The following TBCE variants were observed in gnomAD, a reference collection of about 807,000 sequenced individuals.
TBCE encodes the protein tubulin folding cofactor E, also known as tubulin-specific chaperone E.
In TBCE, 53 loss-of-function variants were observed where a neutral mutation model predicts 77.0. The observed-to-expected ratio is 0.69, with a 90% CI of 0.55 to 0.87. TBCE has a LOEUF of 0.87. TBCE is among the 40% of genes least tolerant of loss of function. The pLI, the probability that TBCE is intolerant of heterozygous loss-of-function variation, is 0.00. For synonymous variants in TBCE, 235 were observed against 241.3 expected, an observed-to-expected ratio of 0.97 and a Z score of 0.24; for missense variants, 624 against 622.4, an observed-to-expected ratio of 1.00 and a Z score of -0.03.
chr1:235,413,563 T>C (rs796713120), intron 3 of TBCE, among the ~76,000 whole-genome samples: 12 of 151,006 alleles, frequency 7.9e-5, no homozygotes, highest in African/African-American at 2.9e-4. Context: ...ATTGGGAGGC[T>C]GAGGCAGGAG....
rs1284517409 is a variant in TBCE, at chr1:235,451,369, G to A, written c.*2607G>A. 2 of 149,172 alleles carry A rather than the reference G, an allele frequency of 1.3e-5. No individual in the cohort carries two copies. Among genetic ancestry groups the A allele is most frequent in the African/African-American group, 2.5e-5 (1 of 40,522 alleles). 9.2% of individuals were successfully genotyped at this position (149,172 alleles called of 1,614,324 possible). On this transcript the variant is annotated 3_prime_UTR_variant, in exon 17 of 17. Coordinates refer to ENST00000642610, the MANE Select transcript of TBCE (RefSeq NM_003193.5). ...AAATCTGAAGTATTCATAGATGGTA[G>A]TATTCCTAGATGCATGGCAGAAAAA...
At chr1:235,401,826 C>CTTTTTTTTTTTTTTTTTTTT (rs11285286) in intron 3 of TBCE, among the ~76,000 whole-genome samples, 3 of 88,604 alleles carry the variant, frequency 3.4e-5, no homozygotes, top group African/African-American at 4.9e-5. Context: ...TTTCTTCGTC[C>CTTTTTTTTTTTTTTTTTTTT]TTTTTTTTTT....
chr1:235,415,046 C>G lies in TBCE; in HGVS notation c.371+428C>G, dbSNP rs1680034550. ...GTAGTTCTCACCTCGGGCTGCACAT[C>G]TTCATCACCTGGGGAGCTGTGGAAC... On this transcript the variant is annotated intron_variant, in intron 4 of 16. Transcript: ENST00000642610. 6 of 240,986 alleles carry G rather than the reference C, an allele frequency of 2.5e-5. No individual in the cohort carries two copies. In the South Asian group the frequency reaches 3.3e-4, roughly 13 times the overall value. The allele number at this position is 240,986 out of a possible 1,614,324, so 14.9% of individuals were successfully genotyped here.
chr1:235,381,668 G>C (rs1318697485), intron 2 of TBCE, among the ~76,000 whole-genome samples: 18 of 103,244 alleles, frequency 1.7e-4, no homozygotes, highest in African/African-American at 6.6e-4. Flanking sequence ...CTGGGCGACA[G>C]AGCGAGACTC....
chr1:235,433,098 G>A, intron 7 of TBCE: 1 of 1,524,910 alleles, frequency 6.6e-7, no homozygotes, highest in Non-Finnish European at 8.7e-7. Flanking sequence ...ACGTGGCCAA[G>A]GCCAGTGAGG....
At chr1:235,429,426 A>T (rs1033597463) in intron 6 of TBCE, 1 of 152,200 alleles carries the variant, frequency 6.6e-6, no homozygotes, top group Non-Finnish European at 1.5e-5. Context: ...TTGAACTGCA[A>T]GATCTTATTT....
chr1:235,375,515 G>T (rs1677242059), intron 1 of TBCE, among the ~76,000 whole-genome samples: 1 of 152,042 alleles, frequency 6.6e-6, no homozygotes, highest in Non-Finnish European at 1.5e-5. Context: ...GATCAAAGTG[G>T]TTGTCCTAGC....
chr1:235,393,479 G>A (rs149237640), intron 2 of TBCE, among the ~76,000 whole-genome samples: 1,626 of 152,176 alleles, frequency 0.011, 45 homozygotes, highest in African/African-American at 0.037. Context: ...TGGAGGTTGC[G>A]GTGAGCCGAG....
At chr1:235,375,143 A>G (rs12744713) in intron 1 of TBCE, among the ~76,000 whole-genome samples, 20,609 of 150,732 alleles carry the variant, frequency 0.14, 1,699 homozygotes, top group African/African-American at 0.23. Context: ...GATGGTCTCA[A>G]TCTCCTGACC....
rs1034817064 is a variant in TBCE at position 235,426,613 on chromosome 1, G to C, written c.461-527G>C. Among the ~76,000 whole-genome samples, 3 of 152,136 alleles carry C rather than the reference G, an allele frequency of 2.0e-5. No individual in the cohort carries two copies. The East Asian group carries it at 5.8e-4, about 29-fold the overall frequency. On this transcript the variant is annotated intron_variant, in intron 5 of 16. Transcript: ENST00000642610. Reference sequence around the variant, plus strand: ...CTTTGTCATTTGATTGTAGATGTTTGTCTCAAGTTTTGAGTATATAACAAT... The same window carrying C: ...CTTTGTCATTTGATTGTAGATGTTTCTCTCAAGTTTTGAGTATATAACAAT...
intron 4 of TBCE, among the ~76,000 whole-genome samples, chr1:235,417,318 G>C (rs1413435998): frequency 6.6e-6 from 1 of 152,178 alleles, no homozygotes; most frequent in Non-Finnish European, 1.5e-5. Flanking sequence ...ACTACAGTTT[G>C]AAGTAGTTGC....
chr1:235,427,129 T>C lies in TBCE; in HGVS notation c.461-11T>C, dbSNP rs1680766829. 6.4e-7 allele frequency: 1 copy of C among 1,567,134 alleles called. No homozygotes were observed. Among genetic ancestry groups the C allele is most frequent in the Non-Finnish European group, 8.8e-7 (1 of 1,137,470 alleles). Reference sequence around the variant, plus strand: ...CTTTTGAAATTACTGTTTCTTAACATGTGCTTTTAGATATCAGAAAGGTAG... The same window carrying C: ...CTTTTGAAATTACTGTTTCTTAACACGTGCTTTTAGATATCAGAAAGGTAG... On this transcript the variant is annotated splice_polypyrimidine_tract_variant and intron_variant, in intron 5 of 16. Transcript: ENST00000642610.
intron 3 of TBCE, 76 bp downstream of exon 3, chr1:235,401,663 G>A: frequency 7.8e-7 from 1 of 1,283,790 alleles, no homozygotes; most frequent in Non-Finnish European, 1.1e-6. Flanking sequence ...GGGATGGAGA[G>A]GAAGAAATGT....
In TBCE at chr1:235,397,532, C is replaced by A. The variant is rs541589637; in HGVS notation, c.101-3971C>A. ...CCGGCACTTTGTTGATTGTTTCTTT[C>A]GCTATGCAGAACTTTTGTGATGGAT... On this transcript the variant is annotated intron_variant, in intron 2 of 16. Coordinates refer to ENST00000642610, the MANE Select transcript of TBCE (RefSeq NM_003193.5). Among the ~76,000 whole-genome samples, 4 of 152,076 alleles carry A rather than the reference C, an allele frequency of 2.6e-5. No homozygotes were observed. The East Asian group carries it at 7.7e-4, about 29-fold the overall frequency.
intron 3 of TBCE, among the ~76,000 whole-genome samples, chr1:235,402,108 A>G (rs1481603391): frequency 7.1e-6 from 1 of 140,266 alleles, no homozygotes; most frequent in Non-Finnish European, 1.5e-5. Flanking sequence ...TCTGTCGCCC[A>G]GCTGGAGTGC....
intron 1 of TBCE, among the ~76,000 whole-genome samples, chr1:235,375,683 C>T (rs759601880): frequency 6.6e-6 from 1 of 151,976 alleles, no homozygotes; most frequent in South Asian, 2.1e-4. Context: ...TAGGTCTTCA[C>T]GGAAGATCAT....
At chr1:235,380,815 C>T (rs965248405) in intron 2 of TBCE, among the ~76,000 whole-genome samples, 33 of 152,070 alleles carry the variant, frequency 2.2e-4, no homozygotes, top group African/African-American at 8.0e-4. Context: ...GACAGAGTTT[C>T]GCTCTTGTTA....
Position 235,436,814 on chromosome 1 carries a change from T to C in TBCE, c.963+206T>C, listed in dbSNP as rs6429082. On this transcript the variant is annotated intron_variant, in intron 11 of 16. Transcript: ENST00000642610. ...CACTTAAGTGGACTTCACACTTAAA[T>C]GGCACATTAATAGAGTAAAAGGGGC... Among the ~76,000 whole-genome samples, 83,572 of 151,986 alleles carry C rather than the reference T, an allele frequency of 0.55. 23,163 individuals are homozygous for C. Among genetic ancestry groups the C allele is most frequent in the East Asian group, 0.65 (3,368 of 5,158 alleles).
At chr1:235,413,772 GTC>G (rs759664032) in intron 3 of TBCE, 2 of 150,072 alleles carry the variant, frequency 1.3e-5, no homozygotes, top group South Asian at 2.1e-4. Flanking sequence ...AAGTGACAAG[GTC>G]TCTCTCTGTT....
Sources: allele counts gnomAD v4.1 joint callset (sites outside exome capture counted in the v4.1 genomes callset), GRCh38; gene constraint gnomAD v4.1.1; transcripts MANE v1.5; gene names NCBI Gene and HGNC (gene_info 2026-07-23, HGNC 2026-07-21).